The following TSC2 variants were observed in gnomAD, a reference collection of about 807,000 sequenced individuals.
TSC2 encodes TSC complex subunit 2.
A neutral mutation model predicts 202.2 loss-of-function variants in TSC2; 29 were observed. The observed-to-expected ratio is 0.14, with a 90% CI of 0.11 to 0.20. The LOEUF (loss-of-function observed/expected upper bound fraction) is 0.20, where lower values mean the gene tolerates loss of function less well. TSC2 is among the 10% of genes least tolerant of loss of function. The pLI, the probability that TSC2 is intolerant of heterozygous loss-of-function variation, is 1.00. For missense variants in TSC2, 2,429 were observed against 2,420.0 expected (o/e 1.00, Z -0.08); for synonymous variants, 1,349 against 1,044.0 (o/e 1.29, Z -5.63).
chr16:2,081,276 G>A (rs962908133), intron 30 of TSC2: 6 of 422,480 alleles, frequency 1.4e-5, no homozygotes, highest in South Asian at 2.1e-5. Context: ...GCCCAGGGGC[G>A]CCTGGGTGTG....
chr16:2,075,739 G>T (rs2151378480), intron 22 of TSC2, 60 bp from the exon 23 acceptor site: 2 of 1,564,322 alleles, frequency 1.3e-6, no homozygotes, highest in East Asian at 2.2e-5. Flanking sequence ...CAGCCGTGTT[G>T]GCCTTCAGAG....
chr16:2,088,427 A>G lies in TSC2; in HGVS notation c.5260-19A>G. 1 of 1,612,666 alleles carries G rather than the reference A, an allele frequency of 6.2e-7. No individual in the cohort carries two copies. The highest frequency in any genetic ancestry group is 8.5e-7 in the Non-Finnish European group (1 of 1,179,992). ...GCCACGCCTCCCAGACTTACTGCCC[A>G]AGCCGCCTCTGCCTTCAGATCTGCG... On this transcript the variant is annotated intron_variant, in intron 41 of 41. Coordinates refer to ENST00000219476, the MANE Select transcript of TSC2 (RefSeq NM_000548.5).
intron 5 of TSC2, 23 bp downstream of exon 5, chr16:2,054,463 G>C (rs558088532): frequency 6.8e-6 from 11 of 1,613,876 alleles, no homozygotes; most frequent in African/African-American, 1.3e-5. Context: ...TTGGGTTGGA[G>C]GTTTCTCTGG....
chr16:2,053,205 C>G, intron 3 of TSC2, 137 bp from the exon 4 acceptor site: 1 of 846,464 alleles, frequency 1.2e-6, no homozygotes, highest in Non-Finnish European at 2.0e-6. Flanking sequence ...ACAGGAGATA[C>G]GAGCTTTGGA....
At chr16:2,083,477 C>G in intron 32 of TSC2, 1 of 765,540 alleles carries the variant, frequency 1.3e-6, no homozygotes, top group Non-Finnish European at 2.2e-6. Flanking sequence ...TGCCCAACCC[C>G]CGGGCACTCA....
chr16:2,084,584 T>G lies in TSC2; in HGVS notation c.4362T>G (p.Ser1454Arg), dbSNP rs1320400029. ...PLPSSSPRSP[S>R]GLRPRGYTIS... ...CTTCCAGCTCCCCCCGCTCGCCCAG[T>G]GGCCTCCGGCCCCGAGGTTACACCA... The change falls in exon 34 of 42, where the codon AGT becomes AGG. Residue 1454 changes from serine to arginine, a missense_variant. Physicochemically the swap from Ser to Arg is moderately radical, Grantham distance 110. Coordinates refer to ENST00000219476, the MANE Select transcript of TSC2 (RefSeq NM_000548.5). The G allele has an allele frequency of 3.1e-6, 5 of 1,606,286 alleles. No individual in the cohort carries two copies. The highest frequency in any genetic ancestry group is 2.2e-5 in the East Asian group (1 of 44,862).
At chr16:2,072,413 C>A (rs751807270) in intron 20 of TSC2, 50 bp downstream of exon 20, 1 of 1,610,152 alleles carries the variant, frequency 6.2e-7, no homozygotes, top group Non-Finnish European at 8.5e-7. Flanking sequence ...AGGGTTTTTC[C>A]CCAAAAGACT....
intron 16 of TSC2, among the ~76,000 whole-genome samples, chr16:2,070,225 A>C (rs2088062275): frequency 6.6e-6 from 1 of 151,766 alleles, no homozygotes; most frequent in African/African-American, 2.4e-5. Context: ...CATTGAATGG[A>C]CTCTTCCTCA....
chr16:2,085,119 G>A lies in TSC2; in HGVS notation c.4569+93G>A, dbSNP rs1007177448. ...GCTCTGCTGCTGGGAGCTCAGGCTT[G>A]CAGAGGGCTCTGGCCTAAGCTCCCT... On this transcript the variant is annotated intron_variant, in intron 35 of 41. Transcript: ENST00000219476. 173 of 1,603,332 alleles carry A rather than the reference G, an allele frequency of 1.1e-4. No individual in the cohort carries two copies. In the African/African-American group the frequency reaches 2.0e-3, roughly 19 times the overall value.
At chr16:2,052,532 A>G (rs1203810050) in intron 3 of TSC2, among the ~76,000 whole-genome samples, 1 of 151,746 alleles carries the variant, frequency 6.6e-6, no homozygotes, top group African/African-American at 2.4e-5. Context: ...CTAGTCTGAA[A>G]CTCCTGGGCT....
chr16:2,074,890 G>A (rs1156647540), intron 22 of TSC2: 6 of 224,472 alleles, frequency 2.7e-5, no homozygotes, highest in Non-Finnish European at 4.5e-5. Context: ...AGGTCCTGTC[G>A]GTCTTTCTGT....
rs1332919495 is a variant in TSC2, at chr16:2,086,880, G to C, written c.4989+9G>C. On this transcript the variant is annotated intron_variant, in intron 38 of 41. Coordinates refer to ENST00000219476, the MANE Select transcript of TSC2 (RefSeq NM_000548.5). ...AGCTTGGCACCATCAAGGTGAGTGA[G>C]GGGCCGTCAGTGAGGCTGGGCCCCA... 6.4e-7 allele frequency: 1 copy of C among 1,574,442 alleles called. No homozygotes were observed. Among genetic ancestry groups the C allele is most frequent in the East Asian group, 2.4e-5 (1 of 42,344 alleles).
chr16:2,077,358 C>G (rs569073013), intron 25 of TSC2: 2 of 597,282 alleles, frequency 3.3e-6, no homozygotes, highest in Non-Finnish European at 6.0e-6. Context: ...TGGTGTCATG[C>G]GTGAAGCCTT....
At chr16:2,080,031 C>G (rs1473407029) in intron 29 of TSC2, 134 bp from the exon 30 acceptor site, 1 of 1,269,136 alleles carries the variant, frequency 7.9e-7, no homozygotes, top group Admixed American at 1.7e-5. Context: ...GGGCCGTGCC[C>G]CAAGGGCAGA....
rs139919040 is a variant in TSC2, at chr16:2,074,354, C to G, written c.2510C>G (p.Ala837Gly). The G allele has an allele frequency of 5.0e-6, 8 of 1,612,172 alleles. No homozygotes were observed. The African/African-American group carries it at 1.1e-4, about 22-fold the overall frequency. Residue 837 changes from alanine to glycine, a missense_variant, in exon 22 of 42, where the codon GCC becomes GGC. By Grantham distance (60) the Ala-to-Gly change is moderately conservative. Transcript: ENST00000219476. ...VVKLTHISATASMAVPLLEFL... is the reference protein window; with the variant it reads ...VVKLTHISATGSMAVPLLEFL... ...AAGCTCACGCACATCTCAGCCACAG[C>G]CAGCATGGCCGTCCCACTGCTGGAG...
At position 2,086,708 on chromosome 16, in the gene TSC2, C is replaced by G. The variant is rs761736768; in HGVS notation, c.4850-24C>G. ...GGGCCTCAGCACTGGCCCCACAAAC[C>G]CATCCGGCCCTGCTCACCCTCAGCC... On this transcript the variant is annotated intron_variant, in intron 37 of 41. Coordinates refer to ENST00000219476, the MANE Select transcript of TSC2 (RefSeq NM_000548.5). 1.9e-6 allele frequency: 3 copies of G among 1,607,628 alleles called. No individual in the cohort carries two copies. The East Asian group carries it at 6.7e-5, about 36-fold the overall frequency.
At position 2,062,682 on chromosome 16, in the gene TSC2, G is replaced by T. The variant is rs534877380; in HGVS notation, c.1361+82G>T. On this transcript the variant is annotated intron_variant, in intron 13 of 41. Transcript: ENST00000219476. The stretch of plus-strand genomic sequence containing the variant: ...GGGGCCCACCCGGGCTGGGTCTCAG[G>T]ATGCCCGATGAGCAGGGCCCTCCCC... 3.7e-5 allele frequency: 51 copies of T among 1,395,492 alleles called. No homozygotes were observed. In the East Asian group the frequency reaches 1.1e-3, roughly 30 times the overall value. The allele number at this position is 1,395,492 out of a possible 1,614,324, so 86.4% of individuals were successfully genotyped here.
At position 2,076,478 on chromosome 16, in the gene TSC2, C is replaced by G. The variant is rs2089396453; in HGVS notation, c.2743-13C>G. On this transcript the variant is annotated splice_polypyrimidine_tract_variant and intron_variant, in intron 24 of 41. Transcript: ENST00000219476. ...TGCCACCCCTCACTGTCTGGGTGTGCTCACTCTGCCAGGGCCTGCGGTCCA... is the reference window on the plus strand; with the variant it reads ...TGCCACCCCTCACTGTCTGGGTGTGGTCACTCTGCCAGGGCCTGCGGTCCA... 6.2e-7 allele frequency: 1 copy of G among 1,613,208 alleles called. No individual in the cohort carries two copies. Among genetic ancestry groups the G allele is most frequent in the East Asian group, 2.2e-5 (1 of 44,866 alleles).
rs367963263 is a variant in TSC2 at position 2,073,014 on chromosome 16, G to A, written c.2355+31G>A. ...AGGTCAGAGCAGGACAGGCGAGCTT[G>A]ATGGGGCCTGGGATTCGAGGGCCTG... On this transcript the variant is annotated intron_variant, in intron 21 of 41. Transcript: ENST00000219476. 5.6e-6 allele frequency: 9 copies of A among 1,612,862 alleles called. No individual in the cohort carries two copies. The African/African-American group carries it at 1.2e-4, about 22-fold the overall frequency.
Sources: gnomAD v4.1 joint callset for allele counts (sites outside exome capture counted in the v4.1 genomes callset) on GRCh38, gnomAD v4.1.1 for gene constraint, MANE v1.5 for transcripts, NCBI Gene and HGNC (gene_info 2026-07-23, HGNC 2026-07-21) for gene names.